Variants in PCDH15 observed in about 807,000 individuals in gnomAD.
PCDH15 encodes the protein protocadherin related 15, also known as protocadherin-15.
PCDH15 carries 129 observed loss-of-function variants against 178.5 expected under a neutral mutation model. The observed-to-expected ratio is 0.72, with a 90% CI of 0.63 to 0.84. The LOEUF (loss-of-function observed/expected upper bound fraction) is 0.84, where lower values mean the gene tolerates loss of function less well. PCDH15 is among the 40% of genes least tolerant of loss of function. PCDH15 has a pLI of 0.00. For missense variants in PCDH15, 2,230 were observed against 2,099.9 expected, an observed-to-expected ratio of 1.06 and a Z score of -1.21; for synonymous variants, 800 against 732.0, an observed-to-expected ratio of 1.09 and a Z score of -1.50.
intron 21 of PCDH15, among the ~76,000 whole-genome samples, chr10:53,962,120 T>C (rs1210500202): frequency 6.6e-6 from 1 of 152,214 alleles, no homozygotes; most frequent in Non-Finnish European, 1.5e-5. Context: ...ATGATTTATA[T>C]GAGAGAAAAA....
chr10:54,631,785 G>C (rs372448171), intron 2 of PCDH15, among the ~76,000 whole-genome samples: 4 of 152,164 alleles, frequency 2.6e-5, no homozygotes, highest in South Asian at 4.1e-4. Flanking sequence ...AATGGGAAGC[G>C]AGGCACCTTT....
At chr10:53,934,470 C>T (rs992374590) in intron 25 of PCDH15, among the ~76,000 whole-genome samples, 3 of 151,936 alleles carry the variant, frequency 2.0e-5, no homozygotes, top group African/African-American at 7.3e-5. Flanking sequence ...TGGTGGCAGG[C>T]GCCTGTAGTC....
chr10:54,226,505 C>A (rs1342726429), intron 9 of PCDH15, among the ~76,000 whole-genome samples: 3 of 152,154 alleles, frequency 2.0e-5, no homozygotes, highest in Non-Finnish European at 4.4e-5. Context: ...TCGAGACCAG[C>A]ATGCATAGCA....
chr10:54,403,084 A>C (rs1329109820), intron 3 of PCDH15, among the ~76,000 whole-genome samples: 2 of 152,054 alleles, frequency 1.3e-5, no homozygotes, highest in Non-Finnish European at 2.9e-5. Flanking sequence ...TGAATGCACA[A>C]ATGATAAGAA....
intron 3 of PCDH15, among the ~76,000 whole-genome samples, chr10:54,398,994 C>G (rs771926966): frequency 2.6e-5 from 4 of 152,104 alleles, no homozygotes; most frequent in Admixed American, 2.0e-4. Flanking sequence ...TAAACTGTCT[C>G]TGGCTTTCTT....
chr10:53,881,423 C>CA (rs532103612), intron 26 of PCDH15, among the ~76,000 whole-genome samples: 242 of 152,056 alleles, frequency 1.6e-3, no homozygotes, highest in African/African-American at 5.3e-3. Context: ...ATAACAAATC[C>CA]ACTTGTAACC....
At chr10:54,375,482 T>C (rs1456331226) in intron 4 of PCDH15, among the ~76,000 whole-genome samples, 2 of 152,036 alleles carry the variant, frequency 1.3e-5, no homozygotes, top group Non-Finnish European at 2.9e-5. Flanking sequence ...ATATCTATGC[T>C]ATTGGTATTG....
chr10:54,637,136 A>AT (rs200374183), intron 2 of PCDH15, among the ~76,000 whole-genome samples: 1,790 of 151,890 alleles, frequency 0.012, 47 homozygotes, highest in African/African-American at 0.041. Context: ...AAAAAAAAAA[A>AT]AAAAACAATT....
At chr10:53,844,890 A>C (rs954805997) in intron 28 of PCDH15, among the ~76,000 whole-genome samples, 4 of 152,018 alleles carry the variant, frequency 2.6e-5, no homozygotes, top group Non-Finnish European at 4.4e-5. Flanking sequence ...ATGGGATTAC[A>C]TTAGGCAGAA....
chr10:54,319,963 G>A (rs2061495615), intron 7 of PCDH15, among the ~76,000 whole-genome samples: 1 of 152,026 alleles, frequency 6.6e-6, no homozygotes, highest in South Asian at 2.1e-4. Flanking sequence ...TAATAACTCT[G>A]TGGTTCCAGG....
chr10:54,794,247 C>T (rs997795463), intron 1 of PCDH15, among the ~76,000 whole-genome samples: 20 of 150,882 alleles, frequency 1.3e-4, no homozygotes, highest in African/African-American at 4.4e-4. Context: ...TTGGCATTTT[C>T]TCAATTACAC....
intron 21 of PCDH15, among the ~76,000 whole-genome samples, chr10:53,970,992 G>C: frequency 6.6e-6 from 1 of 152,046 alleles, no homozygotes; most frequent in East Asian, 1.9e-4. Context: ...CAAAAAAAGA[G>C]AATTTAAACC....
chr10:55,547,920 A>T lies in PCDH15; in HGVS notation c.-156+79705T>A, dbSNP rs1198103922. Reference sequence around the variant, plus strand: ...GTCTGTGTGTGTGTGTGAGAGAGAGAGAGAGAGAGAGAGAGAGAGAGAGAG... The same window carrying T: ...GTCTGTGTGTGTGTGTGAGAGAGAGTGAGAGAGAGAGAGAGAGAGAGAGAG... On this transcript the variant is annotated intron_variant, in intron 2 of 5. Coordinates refer to the PCDH15 transcript ENST00000613346. Among the ~76,000 whole-genome samples, 229 of 142,932 alleles carry T rather than the reference A, an allele frequency of 1.6e-3. 2 individuals carry two copies. Among genetic ancestry groups the T allele is most frequent in the East Asian group, 0.01 (47 of 4,504 alleles). The allele number at this position is 142,932 out of a possible 152,430, so 93.8% of individuals were successfully genotyped here. A position where few individuals can be genotyped will look rare whatever the true frequency, so the allele number is the denominator to read the frequency against.
chr10:54,071,350 A>T (rs1284257861), intron 17 of PCDH15, among the ~76,000 whole-genome samples: 1 of 152,134 alleles, frequency 6.6e-6, no homozygotes, highest in East Asian at 1.9e-4. Flanking sequence ...TTTTCTTGTT[A>T]ATCAACTTAA....
rs532964204 is a variant in PCDH15 at position 54,031,071 on chromosome 10, T to A, written c.2221-7874A>T. ...TTGGAGGTCAACGTATCACCTATAC[T>A]CCTGCTTCATCGTTGAAGGCAAATC... On this transcript the variant is annotated intron_variant, in intron 18 of 37. Transcript: ENST00000644397. Among the ~76,000 whole-genome samples the A allele has an allele frequency of 2.0e-5, 3 of 152,096 alleles. No individual in the cohort carries two copies. In the South Asian group the frequency reaches 6.2e-4, roughly 32 times the overall value.
intron 2 of PCDH15, among the ~76,000 whole-genome samples, chr10:54,575,472 T>A (rs934723387): frequency 5.3e-5 from 8 of 152,150 alleles, no homozygotes; most frequent in African/African-American, 1.7e-4. Flanking sequence ...TTTTAGAATA[T>A]GAGATTACAA....
intron 2 of PCDH15, among the ~76,000 whole-genome samples, chr10:54,939,703 A>T (rs1465695045): frequency 1.3e-5 from 2 of 152,116 alleles, no homozygotes; most frequent in Admixed American, 1.3e-4. Flanking sequence ...TGTTGGTCAC[A>T]GTTCTGGAAG....
chr10:55,259,902 C>CAAAAAAAAAA (rs749939571), intron 1 of PCDH15, among the ~76,000 whole-genome samples: 14 of 52,006 alleles, frequency 2.7e-4, no homozygotes, highest in Non-Finnish European at 4.7e-4. Flanking sequence ...AACTCCGTCT[C>CAAAAAAAAAA]AAAAAAAAAA....
intron 9 of PCDH15, among the ~76,000 whole-genome samples, chr10:54,222,476 A>G (rs111421496): frequency 2.0e-5 from 3 of 152,342 alleles, no homozygotes; most frequent in African/African-American, 7.2e-5. Flanking sequence ...AGTATAAAGC[A>G]TTAGAGATTC....
Sources: allele counts gnomAD v4.1 joint callset (sites outside exome capture counted in the v4.1 genomes callset), GRCh38; gene constraint gnomAD v4.1.1; transcripts MANE v1.5; gene names NCBI Gene and HGNC (gene_info 2026-07-23, HGNC 2026-07-21).